Variants in SESN1 observed in about 807,000 individuals in gnomAD.
SESN1 encodes sestrin 1, also known as sestrin-1.
Under a neutral mutation model 59.3 loss-of-function variants are expected in SESN1, and 30 were observed. The observed-to-expected ratio is 0.51, with a 90% CI of 0.38 to 0.69. The LOEUF is 0.69. Ranked by LOEUF, SESN1 falls within the 30% of genes least tolerant of loss-of-function variation. SESN1 has a pLI of 0.00. For missense variants in SESN1, 566 were observed against 673.0 expected (o/e 0.84, Z 1.76); for synonymous variants, 197 against 219.9 (o/e 0.90, Z 0.92).
At position 109,094,440 on chromosome 6, in the gene SESN1, A is replaced by T. The variant is rs1008808286; in HGVS notation, c.-367T>A. 9 of 234,220 alleles carry T rather than the reference A, an allele frequency of 3.8e-5. No homozygotes were observed. The Admixed American group carries it at 4.7e-4, about 12-fold the overall frequency. 14.5% of individuals were successfully genotyped at this position (234,220 alleles called of 1,614,324 possible). ...TGTCAAATCCGTGCTCTGCCCCAAA[A>T]GGCTGTTAACAGCTGAACGCCCTCC... On this transcript the variant is annotated 5_prime_UTR_variant, in exon 1 of 10. Transcript: ENST00000436639.
chr6:108,987,905 C>T (rs1779243895), intron 9 of SESN1, among the ~76,000 whole-genome samples: 2 of 150,764 alleles, frequency 1.3e-5, no homozygotes, highest in African/African-American at 4.9e-5. Context: ...TGGGTTCAAG[C>T]GATTCTCATG....
chr6:109,091,157 AAT>A (rs1400764939), intron 1 of SESN1, among the ~76,000 whole-genome samples: 1 of 152,164 alleles, frequency 6.6e-6, no homozygotes, highest in East Asian at 1.9e-4. Flanking sequence ...GGTCAATTGT[AAT>A]TCTATATTAT....
rs544881507 is a variant in SESN1, at chr6:109,073,866, G to A, written c.279+19929C>T. On this transcript the variant is annotated intron_variant, in intron 1 of 9. Coordinates refer to ENST00000436639, the MANE Select transcript of SESN1 (RefSeq NM_014454.3). ...TTTTCTTTTTAATGACATGTGTTTGGTCTCATTATAATAGATTAACTCATT... is the reference window on the plus strand; with the variant it reads ...TTTTCTTTTTAATGACATGTGTTTGATCTCATTATAATAGATTAACTCATT... Among the ~76,000 whole-genome samples, 5 of 152,196 alleles carry A rather than the reference G, an allele frequency of 3.3e-5. No individual in the cohort carries two copies. In the South Asian group the frequency reaches 1.0e-3, roughly 32 times the overall value.
intron 1 of SESN1, among the ~76,000 whole-genome samples, chr6:109,029,713 G>A (rs886749256): frequency 4.6e-5 from 7 of 151,870 alleles, no homozygotes; most frequent in South Asian, 2.1e-4. Flanking sequence ...TTTTATTTTT[G>A]TAGAGACAGA....
intron 1 of SESN1, among the ~76,000 whole-genome samples, chr6:109,045,165 G>A (rs1282761554): frequency 6.6e-6 from 1 of 152,020 alleles, no homozygotes; most frequent in Non-Finnish European, 1.5e-5. Flanking sequence ...GCCTAGCTAG[G>A]CTCCTCTGAC....
Position 109,039,487 on chromosome 6 carries a change from G to C in SESN1, c.280-37144C>G, listed in dbSNP as rs1204058534. Among the ~76,000 whole-genome samples the C allele has an allele frequency of 2.6e-5, 4 of 152,142 alleles. No homozygotes were observed. In the East Asian group the frequency reaches 5.8e-4, roughly 22 times the overall value. ...AGGTCCAATTTAAGACAACTTGGAG[G>C]CAAGAACATCAAATCTGCAAATCAC... On this transcript the variant is annotated intron_variant, in intron 1 of 9. Transcript: ENST00000436639.
At chr6:109,014,629 G>GTTTGT (rs750546757) in intron 1 of SESN1, among the ~76,000 whole-genome samples, 7 of 152,210 alleles carry the variant, frequency 4.6e-5, no homozygotes, top group Non-Finnish European at 8.8e-5. Context: ...TTTTTTGTTT[G>GTTTGT]TTTGTTTTGT....
At chr6:109,044,280 C>A (rs1178522692) in intron 1 of SESN1, among the ~76,000 whole-genome samples, 2 of 130,706 alleles carry the variant, frequency 1.5e-5, no homozygotes, top group African/African-American at 5.9e-5. Flanking sequence ...CCACCACACT[C>A]CAGCCTAGAT....
At chr6:109,012,281 C>T (rs1252487301) in intron 1 of SESN1, among the ~76,000 whole-genome samples, 5 of 148,778 alleles carry the variant, frequency 3.4e-5, no homozygotes, top group African/African-American at 5.0e-5. Flanking sequence ...CTCGCTCTGT[C>T]GCCCAGGCTG....
At chr6:109,057,235 A>G (rs1326402830) in intron 1 of SESN1, among the ~76,000 whole-genome samples, 1 of 152,224 alleles carries the variant, frequency 6.6e-6, no homozygotes, top group East Asian at 1.9e-4. Context: ...GAGATAATTA[A>G]TATTTATTGT....
intron 1 of SESN1, chr6:109,009,498 G>GAGCGCTGGGCAGCCGGCC (rs1330091377): frequency 1.5e-5 from 18 of 1,224,350 alleles, no homozygotes; most frequent in South Asian, 3.5e-5. Context: ...CGGAGGCGGC[G>GAGCGCTGGGCAGCCGGCC]AGCGCTGGGC....
At chr6:108,991,174 G>A (rs1388982871) in intron 7 of SESN1, among the ~76,000 whole-genome samples, 2 of 152,068 alleles carry the variant, frequency 1.3e-5, no homozygotes, top group Non-Finnish European at 2.9e-5. Context: ...ACCAGCTTGG[G>A]AGTCCCCTCT....
intron 1 of SESN1, among the ~76,000 whole-genome samples, chr6:109,047,371 C>T (rs1780467465): frequency 7.3e-6 from 1 of 137,876 alleles, no homozygotes; most frequent in Non-Finnish European, 1.6e-5. Flanking sequence ...GCCCGGCCAG[C>T]CGCCCCGTCC....
In SESN1 at chr6:108,990,652, C is replaced by G; in HGVS notation, c.1417G>C (p.Gly473Arg). The change falls in exon 8 of 10, where the codon GGA becomes CGA. Residue 473 changes from glycine (G) to arginine (R), a missense_variant. Physicochemically the swap from Gly to Arg is moderately radical, Grantham distance 125. Coordinates refer to ENST00000436639, the MANE Select transcript of SESN1 (RefSeq NM_014454.3). ...CACAGAAAGAAGACTAACCTTATTC[C>G]AAACATGCAGTGAATATAGTTCCAA... ...AIWNYIHCMF[G>R]IRYDDYDYGE... 6.2e-7 allele frequency: 1 copy of G among 1,613,894 alleles called. No homozygotes were observed. The highest frequency in any genetic ancestry group is 8.5e-7 in the Non-Finnish European group (1 of 1,179,918).
intron 6 of SESN1, among the ~76,000 whole-genome samples, chr6:108,994,064 T>C (rs377122623): frequency 6.9e-6 from 1 of 145,946 alleles, no homozygotes; most frequent in East Asian, 2.0e-4. Context: ...CGCTTGAGCC[T>C]AAGAGTCTCA....
At chr6:109,056,317 T>A (rs1325286772) in intron 1 of SESN1, among the ~76,000 whole-genome samples, 1 of 152,100 alleles carries the variant, frequency 6.6e-6, no homozygotes, top group Non-Finnish European at 1.5e-5. Flanking sequence ...GACAGGAGGA[T>A]AACCTGTGCC....
At chr6:109,008,010 T>C (rs1463382359) in intron 1 of SESN1, among the ~76,000 whole-genome samples, 1 of 152,176 alleles carries the variant, frequency 6.6e-6, no homozygotes, top group Non-Finnish European at 1.5e-5. Flanking sequence ...TATAAAGCAT[T>C]CCTTCCTAAG....
chr6:109,067,841 C>T (rs528286354), intron 1 of SESN1, among the ~76,000 whole-genome samples: 1 of 152,266 alleles, frequency 6.6e-6, no homozygotes, highest in African/African-American at 2.4e-5. Flanking sequence ...ATGTATCTGC[C>T]CTACTCTACC....
chr6:109,093,808 A>C lies in SESN1; in HGVS notation c.266T>G (p.Leu89Arg). Residue 89 changes from leucine (L) to arginine (R), a missense_variant, in exon 1 of 10, where the codon CTG becomes CGG. By Grantham distance (102) the Leu-to-Arg change is moderately radical (BLOSUM62 -2). Transcript: ENST00000436639. ...GCTCTTCCTTACCTGGATGCTCTTC[A>C]GAATAAACTCACTTTTCTCTCTCAC... Reference protein sequence around the residue: ...KDVREKSEFILKSIQELGIRI... With the variant: ...KDVREKSEFIRKSIQELGIRI... The C allele has an allele frequency of 1.2e-6, 2 of 1,613,660 alleles. No homozygotes were observed. The highest frequency in any genetic ancestry group is 2.2e-5 in the South Asian group (2 of 91,080).
Sources: gnomAD v4.1 joint callset for allele counts (sites outside exome capture counted in the v4.1 genomes callset) on GRCh38, gnomAD v4.1.1 for gene constraint, MANE v1.5 for transcripts, NCBI Gene and HGNC (gene_info 2026-07-23, HGNC 2026-07-21) for gene names.